Variants in ZNF365 observed in about 807,000 individuals in gnomAD.
ZNF365 encodes zinc finger protein 365.
In ZNF365, 22 loss-of-function variants were observed where a neutral mutation model predicts 35.0. That is an observed-to-expected ratio of 0.63 (90% confidence interval 0.45 to 0.90). ZNF365 has a LOEUF of 0.90. Ranked by LOEUF, ZNF365 falls within the 40% of genes least tolerant of loss-of-function variation. The pLI, the probability that ZNF365 is intolerant of heterozygous loss-of-function variation, is 0.00. For synonymous variants in ZNF365, 188 were observed against 196.2 expected (o/e 0.96, Z 0.35); for missense variants, 448 against 500.3 (o/e 0.90, Z 1.00).
Position 62,451,689 on chromosome 10 carries a change from C to T in ZNF365, c.925-8052C>T, listed in dbSNP as rs550257682. Among the ~76,000 whole-genome samples the T allele has an allele frequency of 9.9e-5, 15 of 152,276 alleles. No homozygotes were observed. The South Asian group carries it at 1.2e-3, about 13-fold the overall frequency. Reference sequence around the variant, plus strand: ...TTGGCTACAGTTCACTAGTGGTTACCGACATTCCCTCTCTGGCCCCACCCA... The same window carrying T: ...TTGGCTACAGTTCACTAGTGGTTACTGACATTCCCTCTCTGGCCCCACCCA... On this transcript the variant is annotated intron_variant, in intron 3 of 4. Transcript: ENST00000395255.
chr10:62,434,552 G>C (rs928243488), intron 3 of ZNF365, among the ~76,000 whole-genome samples: 1 of 152,052 alleles, frequency 6.6e-6, no homozygotes, highest in Non-Finnish European at 1.5e-5. Context: ...ATTAGATGTC[G>C]GTGGGACTGA....
intron 3 of ZNF365, among the ~76,000 whole-genome samples, chr10:62,441,290 T>G (rs1342410849): frequency 6.6e-6 from 1 of 152,206 alleles, no homozygotes; most frequent in Non-Finnish European, 1.5e-5. Context: ...ATTGGCAGTT[T>G]CTTTTTGCTC....
intron 3 of ZNF365, among the ~76,000 whole-genome samples, chr10:62,453,947 G>A (rs1840724360): frequency 6.6e-6 from 1 of 152,176 alleles, no homozygotes; most frequent in Non-Finnish European, 1.5e-5. Context: ...AAAGAGTACG[G>A]ATTCTAAAAC....
At chr10:62,471,327 C>T (rs1181980607) in intron 4 of ZNF365, among the ~76,000 whole-genome samples, 1 of 146,874 alleles carries the variant, frequency 6.8e-6, no homozygotes, top group East Asian at 2.0e-4. Flanking sequence ...GATTGTGCCA[C>T]TGCATTCCAG....
intron 3 of ZNF365, among the ~76,000 whole-genome samples, chr10:62,444,525 G>A (rs1027815691): frequency 1.3e-5 from 2 of 152,074 alleles, no homozygotes; most frequent in Admixed American, 1.3e-4. Context: ...GCTGGTAATA[G>A]CCTCCTATTG....
intron 4 of ZNF365, among the ~76,000 whole-genome samples, chr10:62,462,538 C>T (rs1840864810): frequency 6.6e-6 from 1 of 152,208 alleles, no homozygotes. Flanking sequence ...GAGATGAGAT[C>T]TAAGTGGGCC....
intron 4 of ZNF365, among the ~76,000 whole-genome samples, chr10:62,463,326 A>G (rs1840879114): frequency 6.6e-6 from 1 of 152,206 alleles, no homozygotes; most frequent in Non-Finnish European, 1.5e-5. Flanking sequence ...TGCACAACTT[A>G]AGCCGTCCCC....
intron 2 of ZNF365, among the ~76,000 whole-genome samples, chr10:62,385,714 A>T (rs1842137418): frequency 6.6e-6 from 1 of 152,232 alleles, no homozygotes; most frequent in African/African-American, 2.4e-5. Flanking sequence ...ACAAATACTT[A>T]TTCAATATTG....
At chr10:62,449,643 A>G (rs999698292) in intron 3 of ZNF365, among the ~76,000 whole-genome samples, 13 of 152,200 alleles carry the variant, frequency 8.5e-5, no homozygotes, top group Admixed American at 3.3e-4. Context: ...TAAAGGATGG[A>G]CATTTTATAT....
chr10:62,376,443 A>G lies in ZNF365; in HGVS notation c.250A>G (p.Lys84Glu). 1 of 1,614,194 alleles carries G rather than the reference A, an allele frequency of 6.2e-7. No homozygotes were observed. Among genetic ancestry groups the G allele is most frequent in the African/African-American group, 1.3e-5 (1 of 75,068 alleles). ...VTSSELLKPG[K>E]LQSSGNVVKQ... is the part of the protein sequence containing the mutation. ...TTCCTCAGAACTCCTGAAACCGGGAAAATTGCAGAGCAGTGGCAACGTGGT... is the reference window on the plus strand; with the variant it reads ...TTCCTCAGAACTCCTGAAACCGGGAGAATTGCAGAGCAGTGGCAACGTGGT... Residue 84 changes from lysine (K) to glutamate (E), a missense_variant, in exon 2 of 5, where the codon AAA becomes GAA. Around this residue, in one of 3 missense-constraint regions of ZNF365, gnomAD observed 76 missense variants for 96.7 expected, o/e 0.79. Transcript: ENST00000395254.
At chr10:62,441,405 AAAG>A (rs1840499461) in intron 3 of ZNF365, among the ~76,000 whole-genome samples, 1 of 152,210 alleles carries the variant, frequency 6.6e-6, no homozygotes, top group African/African-American at 2.4e-5. Context: ...AATGCTAGAG[AAAG>A]AAGAACACAG....
At chr10:62,456,999 G>T (rs1335213073) in intron 3 of ZNF365, among the ~76,000 whole-genome samples, 1 of 152,128 alleles carries the variant, frequency 6.6e-6, no homozygotes, top group East Asian at 1.9e-4. Context: ...CTCAGCTGGG[G>T]GTCAGCTAAT....
chr10:62,378,527 C>A (rs1317863709), intron 2 of ZNF365, among the ~76,000 whole-genome samples: 1 of 152,104 alleles, frequency 6.6e-6, no homozygotes, highest in Non-Finnish European at 1.5e-5. Context: ...CCAAGGCTGC[C>A]ACCTGAGCAC....
At chr10:62,378,336 A>T (rs1839371049) in intron 2 of ZNF365, among the ~76,000 whole-genome samples, 2 of 152,156 alleles carry the variant, frequency 1.3e-5, no homozygotes, top group Admixed American at 1.3e-4. Flanking sequence ...AAGGCAACAA[A>T]ATTAATTTTT....
intron 3 of ZNF365, among the ~76,000 whole-genome samples, chr10:62,450,332 G>A (rs1030745204): frequency 4.6e-5 from 7 of 152,156 alleles, no homozygotes; most frequent in South Asian, 2.1e-4. Flanking sequence ...CGCGAAATAA[G>A]TACTATTATT....
rs145285201 is a variant in ZNF365, at chr10:62,401,796, C to G, written c.*2007C>G. 1.5e-4 allele frequency: 147 copies of G among 985,516 alleles called. No homozygotes were observed. The highest frequency in any genetic ancestry group is 1.6e-4 in the Non-Finnish European group (130 of 829,918). 61.0% of individuals were successfully genotyped at this position (985,516 alleles called of 1,614,324 possible). On this transcript the variant is annotated 3_prime_UTR_variant, in exon 5 of 5. Coordinates refer to ENST00000395254, the MANE Select transcript of ZNF365 (RefSeq NM_014951.3). The stretch of plus-strand genomic sequence containing the variant: ...ACTGACATTTTGGATTTTCATCTAA[C>G]ATAGAGGGCATGGCAACTCTCTTTG...
At chr10:62,477,643 C>G (rs1473395864) in intron 4 of ZNF365, among the ~76,000 whole-genome samples, 1 of 152,138 alleles carries the variant, frequency 6.6e-6, no homozygotes, top group Non-Finnish European at 1.5e-5. Context: ...CTTCCAACAT[C>G]AAAAGCTGAT....
chr10:62,388,543 C>G lies in ZNF365; in HGVS notation c.891C>G (p.Ala297=). 1 of 1,614,134 alleles carries G rather than the reference C, an allele frequency of 6.2e-7. No individual in the cohort carries two copies. The highest frequency in any genetic ancestry group is 8.5e-7 in the Non-Finnish European group (1 of 1,180,038). Residue 297 remains alanine, a synonymous_variant, in exon 3 of 5, where the codon GCC becomes GCG. Transcript: ENST00000395254. The part of the protein sequence containing the change: ...KQLEYYQSQQ[A]SGFVRDLSGH... Reference sequence around the variant, plus strand: ...TTGAGTACTATCAGAGCCAGCAGGCCTCTGGCTTTGTCCGTGATCTCAGCG... The same window carrying G: ...TTGAGTACTATCAGAGCCAGCAGGCGTCTGGCTTTGTCCGTGATCTCAGCG...
At position 62,388,489 on chromosome 10, in the gene ZNF365, A is replaced by G. The variant is rs750221846; in HGVS notation, c.837A>G (p.Leu279=). ...ARLQDFIENL[L]QRVELAEKQL... ...TCCAGGACTTTATTGAGAATCTGTT[A>G]CAGCGGGTAGAACTGGCGGAGAAGC... Residue 279 remains leucine, a synonymous_variant, in exon 3 of 5, where the codon TTA becomes TTG. Coordinates refer to ENST00000395254, the MANE Select transcript of ZNF365 (RefSeq NM_014951.3). 4 of 1,614,226 alleles carry G rather than the reference A, an allele frequency of 2.5e-6. No individual in the cohort carries two copies. The highest frequency in any genetic ancestry group is 3.4e-6 in the Non-Finnish European group (4 of 1,180,044).
Sources: allele counts gnomAD v4.1 joint callset (sites outside exome capture counted in the v4.1 genomes callset), GRCh38; gene constraint gnomAD v4.1.1; regional missense constraint gnomAD v4.1.1; transcripts MANE v1.5; gene names NCBI Gene and HGNC (gene_info 2026-07-23, HGNC 2026-07-21).